CACHD1: variants seen among roughly 807,000 people sequenced by gnomAD.
The protein encoded by CACHD1 is cache domain containing 1.
CACHD1 carries 71 observed loss-of-function variants against 138.7 expected under a neutral mutation model. That is an observed-to-expected ratio of 0.51 (90% CI 0.42 to 0.62). CACHD1 has a LOEUF of 0.62. CACHD1 is among the 20% of genes least tolerant of loss of function. CACHD1 has a pLI of 0.00. For missense variants in CACHD1, 1,389 were observed against 1,625.3 expected (o/e 0.85, Z 2.50); for synonymous variants, 578 against 591.5 (o/e 0.98, Z 0.33).
In CACHD1 at chr1:64,664,648, G is replaced by C; in HGVS notation, c.2245G>C (p.Asp749His). 1 of 1,614,140 alleles carries C rather than the reference G, an allele frequency of 6.2e-7. No individual in the cohort carries two copies. Among genetic ancestry groups the C allele is most frequent in the Non-Finnish European group, 8.5e-7 (1 of 1,180,020 alleles). Residue 749 changes from aspartate to histidine, a missense_variant, in exon 15 of 27, where the codon GAC (aspartate) becomes CAC (histidine). By Grantham distance (81) the Asp-to-His change is moderately conservative. Transcript: ENST00000651257. ...CAGAATTTATCCTGGTTCCCTCATG[G>C]ACAAAGCATTTGATCCCACTAGGAG... The part of the protein sequence containing the change: ...VLRIYPGSLM[D>H]KAFDPTRRQW...
At chr1:64,531,520 TG>T (rs1646585820) in intron 1 of CACHD1, among the ~76,000 whole-genome samples, 1 of 151,994 alleles carries the variant, frequency 6.6e-6, no homozygotes, top group African/African-American at 2.4e-5. Flanking sequence ...TGTGTGTGTG[TG>T]TGTGTGTGTC....
intron 3 of CACHD1, among the ~76,000 whole-genome samples, chr1:64,594,824 C>T (rs1557510723): frequency 6.6e-6 from 1 of 152,180 alleles, no homozygotes; most frequent in Non-Finnish European, 1.5e-5. Flanking sequence ...GAAAAGCAAC[C>T]TTTTTGTGCA....
At chr1:64,658,062 G>C (rs1405148489) in intron 12 of CACHD1, among the ~76,000 whole-genome samples, 1 of 152,222 alleles carries the variant, frequency 6.6e-6, no homozygotes, top group Admixed American at 6.5e-5. Context: ...TTAGACTTAA[G>C]CTATGGCATA....
At chr1:64,556,529 G>A (rs1257554077) in intron 2 of CACHD1, among the ~76,000 whole-genome samples, 1 of 152,122 alleles carries the variant, frequency 6.6e-6, no homozygotes, top group Non-Finnish European at 1.5e-5. Context: ...AAATCTTGTT[G>A]AGAGTTGGAT....
At chr1:64,677,481 G>A (rs771918928) in intron 22 of CACHD1, among the ~76,000 whole-genome samples, 2 of 152,232 alleles carry the variant, frequency 1.3e-5, no homozygotes, top group South Asian at 4.1e-4. Flanking sequence ...AATAGTGGCT[G>A]TGGTAGACTA....
chr1:64,565,359 A>C (rs1011863506), intron 2 of CACHD1, among the ~76,000 whole-genome samples: 1 of 152,160 alleles, frequency 6.6e-6, no homozygotes, highest in Non-Finnish European at 1.5e-5. Context: ...GTAGGAAGGC[A>C]AAAGAAAGGT....
At chr1:64,603,174 G>A (rs888256006) in intron 4 of CACHD1, among the ~76,000 whole-genome samples, 1 of 141,764 alleles carries the variant, frequency 7.1e-6, no homozygotes, top group African/African-American at 2.7e-5. Flanking sequence ...CCGCGATCTC[G>A]GCTCACTGCA....
chr1:64,614,346 GTTC>G (rs540387978), intron 4 of CACHD1, among the ~76,000 whole-genome samples: 1 of 151,958 alleles, frequency 6.6e-6, no homozygotes, highest in Non-Finnish European at 1.5e-5. Context: ...CCTATGCATT[GTTC>G]TTCTTATTTC....
At chr1:64,641,772 T>G in intron 7 of CACHD1, 48 bp from the exon 8 acceptor site, 1 of 1,444,858 alleles carries the variant, frequency 6.9e-7, no homozygotes, top group South Asian at 1.5e-5. Context: ...AACTGCTGCC[T>G]TTAGCTGGAA....
intron 4 of CACHD1, among the ~76,000 whole-genome samples, chr1:64,625,656 C>T (rs12066846): frequency 6.6e-6 from 1 of 151,606 alleles, no homozygotes; most frequent in East Asian, 1.9e-4. Flanking sequence ...AAGAAATTAC[C>T]TAATGGGTAT....
intron 8 of CACHD1, among the ~76,000 whole-genome samples, chr1:64,644,139 G>A (rs1648827255): frequency 6.6e-6 from 1 of 152,280 alleles, no homozygotes; most frequent in African/African-American, 2.4e-5. Context: ...ACTGAAAGCA[G>A]CTGAAGTGGG....
intron 4 of CACHD1, among the ~76,000 whole-genome samples, chr1:64,604,392 G>A (rs960864572): frequency 2.6e-5 from 4 of 152,162 alleles, no homozygotes; most frequent in East Asian, 1.9e-4. Context: ...GGGTAGACAA[G>A]GGCATGGAAT....
rs765601391 is a variant in CACHD1, at chr1:64,647,888, C to G, written c.1244C>G (p.Ala415Gly). The change falls in exon 9 of 27, where the codon GCC becomes GGC. Residue 415 changes from alanine to glycine, a missense_variant. Around this residue, in one of 5 missense-constraint regions of CACHD1, gnomAD observed 1,000 missense variants for 1,114.7 expected, o/e 0.90. Coordinates refer to ENST00000651257, the MANE Select transcript of CACHD1 (RefSeq NM_020925.4). Reference sequence around the variant, plus strand: ...AAGTACGGTGTGCCAGACCGGATGGCCTTGCCTGTGATTAAGGGCAGCATG... The same window carrying G: ...AAGTACGGTGTGCCAGACCGGATGGGCTTGCCTGTGATTAAGGGCAGCATG... ...SGKYGVPDRM[A>G]LPVIKGSMMV... 1.7e-5 allele frequency: 28 copies of G among 1,613,942 alleles called. No individual in the cohort carries two copies. The highest frequency in any genetic ancestry group is 2.3e-5 in the Non-Finnish European group (27 of 1,179,992).
At position 64,566,490 on chromosome 1, in the gene CACHD1, C is replaced by CCCCCCCT. The variant is rs1557496485; in HGVS notation, c.262-15666_262-15665insCCCCCCT. Among the ~76,000 whole-genome samples, 9 of 143,336 alleles carry CCCCCCCT rather than the reference C, an allele frequency of 6.3e-5. 1 individual carries two copies. Among genetic ancestry groups the CCCCCCCT allele is most frequent in the Non-Finnish European group, 4.7e-5 (3 of 63,704 alleles). 94.0% of individuals were successfully genotyped at this position (143,336 alleles called of 152,430 possible). On this transcript the variant is annotated intron_variant, in intron 2 of 26. Coordinates refer to ENST00000651257, the MANE Select transcript of CACHD1 (RefSeq NM_020925.4). ...TGTATGTTTTCAATTCCCCCCCCCCCACAAGGTATGGGGGAAGTACTGCCT... is the reference window on the plus strand; with the variant it reads ...TGTATGTTTTCAATTCCCCCCCCCCCCCCCCCTACAAGGTATGGGGGAAGTACTGCCT...
At position 64,502,292 on chromosome 1, in the gene CACHD1, T is replaced by G. The variant is rs956276508; in HGVS notation, c.198+31350T>G. Among the ~76,000 whole-genome samples, 12 of 152,320 alleles carry G rather than the reference T, an allele frequency of 7.9e-5. 1 individual carries two copies. Among genetic ancestry groups the G allele is most frequent in the African/African-American group, 2.9e-4 (12 of 41,576 alleles). On this transcript the variant is annotated intron_variant, in intron 1 of 26. Transcript: ENST00000651257. ...TGAGCCCTAAAATTGATTTGTTGTATTGCTTCCACATTTTTTGCCAACAGT... is the reference window on the plus strand; with the variant it reads ...TGAGCCCTAAAATTGATTTGTTGTAGTGCTTCCACATTTTTTGCCAACAGT...
At chr1:64,520,890 C>T (rs1646493409) in intron 1 of CACHD1, among the ~76,000 whole-genome samples, 1 of 152,144 alleles carries the variant, frequency 6.6e-6, no homozygotes, top group African/African-American at 2.4e-5. Context: ...CTGAGACATG[C>T]AGTGGGAATC....
At chr1:64,534,044 ATTTT>A (rs1190973908) in intron 1 of CACHD1, among the ~76,000 whole-genome samples, 1 of 110,558 alleles carries the variant, frequency 9.0e-6, no homozygotes, top group Non-Finnish European at 1.9e-5. Flanking sequence ...TGAGCCCAGC[ATTTT>A]TTTTTTTTTT....
chr1:64,633,931 A>AATCT (rs1648405439), intron 6 of CACHD1, 113 bp from the exon 7 acceptor site: 1 of 719,882 alleles, frequency 1.4e-6, no homozygotes, highest in Admixed American at 2.9e-5. Flanking sequence ...AAACTCTCAG[A>AATCT]ATCTGTTCTG....
intron 16 of CACHD1, among the ~76,000 whole-genome samples, chr1:64,670,614 G>T (rs146675883): frequency 6.6e-6 from 1 of 152,288 alleles, no homozygotes; most frequent in East Asian, 1.9e-4. Flanking sequence ...GACACACCTA[G>T]CAATTTCTTG....
Sources: gnomAD v4.1 joint callset for allele counts (sites outside exome capture counted in the v4.1 genomes callset) on GRCh38, gnomAD v4.1.1 for gene constraint, gnomAD v4.1.1 regional missense constraint, MANE v1.5 for transcripts, NCBI Gene and HGNC (gene_info 2026-07-23, HGNC 2026-07-21) for gene names.